Variants in CHCHD3 observed in about 807,000 individuals in gnomAD.
CHCHD3 encodes coiled-coil-helix-coiled-coil-helix domain containing 3.
Under a neutral mutation model 38.2 loss-of-function variants are expected in CHCHD3, and 20 were observed. The observed-to-expected ratio is 0.52, with a 90% confidence interval of 0.37 to 0.76. The LOEUF is 0.76. Ranked by LOEUF, CHCHD3 falls within the 30% of genes least tolerant of loss-of-function variation. The pLI, the probability that CHCHD3 is intolerant of heterozygous loss-of-function variation, is 0.00. For synonymous variants in CHCHD3, 82 were observed against 100.0 expected, an observed-to-expected ratio of 0.82 and a Z score of 1.07; for missense variants, 245 against 279.2, an observed-to-expected ratio of 0.88 and a Z score of 0.87.
chr7:132,897,189 T>C (rs2117194740), intron 4 of CHCHD3, among the ~76,000 whole-genome samples: 1 of 152,330 alleles, frequency 6.6e-6, no homozygotes, highest in Middle Eastern at 3.4e-3. Flanking sequence ...TTACATATAA[T>C]CTTGTTTTAC....
rs549074466 is a variant in CHCHD3, at chr7:133,002,177, A to T, written c.251+22369T>A. Among the ~76,000 whole-genome samples the T allele has an allele frequency of 6.6e-5, 10 of 152,368 alleles. No individual in the cohort carries two copies. In the Middle Eastern group the frequency reaches 0.01, roughly 155 times the overall value. On this transcript the variant is annotated intron_variant, in intron 3 of 7. Transcript: ENST00000262570. ...CTAGTGATCTTCACTTCAAAGAGAG[A>T]AAAGAGTTATCTGTAAGAATAAGCA...
chr7:132,878,184 T>G (rs940638076), intron 5 of CHCHD3, among the ~76,000 whole-genome samples: 7 of 152,204 alleles, frequency 4.6e-5, no homozygotes, highest in Admixed American at 4.6e-4. Flanking sequence ...TATTTTACAA[T>G]GACAGACTTC....
intron 4 of CHCHD3, among the ~76,000 whole-genome samples, chr7:132,895,570 G>T (rs565121454): frequency 6.6e-6 from 1 of 152,220 alleles, no homozygotes; most frequent in African/African-American, 2.4e-5. Flanking sequence ...TGTCATGCAC[G>T]GGACCCACTG....
intron 5 of CHCHD3, among the ~76,000 whole-genome samples, chr7:132,865,509 G>T (rs1808596140): frequency 6.6e-6 from 1 of 152,098 alleles, no homozygotes; most frequent in Non-Finnish European, 1.5e-5. Context: ...AGCAGGAAAG[G>T]GACCATGGAG....
intron 4 of CHCHD3, among the ~76,000 whole-genome samples, chr7:132,937,449 G>T (rs1810658166): frequency 6.6e-6 from 1 of 152,058 alleles, no homozygotes; most frequent in African/African-American, 2.4e-5. Flanking sequence ...AAGCAATTTA[G>T]TCTATGATTC....
chr7:132,963,322 ATTTTTTT>A (rs1005146883), intron 4 of CHCHD3, among the ~76,000 whole-genome samples: 22 of 87,568 alleles, frequency 2.5e-4, no homozygotes, highest in Non-Finnish European at 3.9e-4. Context: ...TAAAATTGTA[ATTTTTTT>A]TTTTTTTTTT....
intron 4 of CHCHD3, among the ~76,000 whole-genome samples, chr7:132,970,022 T>C (rs565373513): frequency 1.5e-4 from 23 of 152,316 alleles, no homozygotes; most frequent in African/African-American, 4.8e-4. Flanking sequence ...AGCAGGCTTT[T>C]TGTGGCAATC....
chr7:132,921,481 A>G (rs1344144448), intron 4 of CHCHD3, among the ~76,000 whole-genome samples: 2 of 152,214 alleles, frequency 1.3e-5, no homozygotes, highest in Non-Finnish European at 2.9e-5. Context: ...AAGTCTCTGC[A>G]TATTAGGCTC....
At chr7:132,791,988 GTT>G (rs1274769098) in intron 7 of CHCHD3, among the ~76,000 whole-genome samples, 1 of 152,144 alleles carries the variant, frequency 6.6e-6, no homozygotes, top group African/African-American at 2.4e-5. Flanking sequence ...TGAACTAACT[GTT>G]TGCGTGGCTA....
At chr7:133,072,364 C>T (rs985855153) in intron 1 of CHCHD3, among the ~76,000 whole-genome samples, 3 of 152,022 alleles carry the variant, frequency 2.0e-5, no homozygotes, top group East Asian at 1.9e-4. Context: ...ATGTGCCAGG[C>T]GCTACACTAA....
At chr7:133,074,773 AGCTTTCATCTG>A (rs1814927847) in intron 1 of CHCHD3, among the ~76,000 whole-genome samples, 1 of 152,222 alleles carries the variant, frequency 6.6e-6, no homozygotes, top group Non-Finnish European at 1.5e-5. Flanking sequence ...GTTAGCTATA[AGCTTTCATCTG>A]AAAAGTTACT....
intron 1 of CHCHD3, among the ~76,000 whole-genome samples, chr7:133,076,003 G>A (rs1429173510): frequency 2.9e-5 from 4 of 138,352 alleles, no homozygotes; most frequent in Non-Finnish European, 6.0e-5. Context: ...AGGTTGCAAT[G>A]AGCCGAGATC....
chr7:132,937,859 T>A (rs1250813507), intron 4 of CHCHD3, among the ~76,000 whole-genome samples: 1 of 152,226 alleles, frequency 6.6e-6, no homozygotes, highest in Admixed American at 6.5e-5. Context: ...TGGCTGGTAT[T>A]TCAGCCTGTG....
chr7:132,859,467 T>C (rs1808426799), intron 5 of CHCHD3, among the ~76,000 whole-genome samples: 1 of 152,196 alleles, frequency 6.6e-6, no homozygotes, highest in Non-Finnish European at 1.5e-5. Flanking sequence ...ACTTTACTGA[T>C]ACAGCAATTA....
chr7:132,929,256 G>T (rs770527589), intron 4 of CHCHD3, among the ~76,000 whole-genome samples: 6 of 151,992 alleles, frequency 3.9e-5, no homozygotes. Flanking sequence ...CATTTCACTG[G>T]CTGTCTCTGG....
chr7:132,919,256 C>A (rs1810199410), intron 4 of CHCHD3, among the ~76,000 whole-genome samples: 1 of 151,808 alleles, frequency 6.6e-6, no homozygotes, highest in Non-Finnish European at 1.5e-5. Flanking sequence ...CTACAGGCGC[C>A]CGCCAGCATG....
In CHCHD3 at chr7:132,984,835, C is replaced by G. The variant is rs1442126973; in HGVS notation, c.252-9549G>C. Among the ~76,000 whole-genome samples the G allele has an allele frequency of 4.0e-5, 5 of 125,804 alleles. 2 individuals carry two copies. The highest frequency in any genetic ancestry group is 8.7e-5 in the Non-Finnish European group (5 of 57,472). 82.5% of individuals were successfully genotyped at this position (125,804 alleles called of 152,430 possible). ...GGAGCGTCTCCGCCCGGCAGCCACC[C>G]GGTCTGGGAGGGAGGTGGGGGTCAG... is the stretch of plus-strand genomic sequence containing the variant. On this transcript the variant is annotated intron_variant, in intron 3 of 7. Transcript: ENST00000262570.
chr7:132,996,837 A>G (rs536861399), intron 3 of CHCHD3, among the ~76,000 whole-genome samples: 2 of 152,332 alleles, frequency 1.3e-5, no homozygotes, highest in African/African-American at 4.8e-5. Flanking sequence ...GTGGGACGCA[A>G]AGCAAGGGGA....
intron 7 of CHCHD3, among the ~76,000 whole-genome samples, chr7:132,790,107 T>C (rs554816743): frequency 1.3e-5 from 2 of 152,258 alleles, no homozygotes; most frequent in Non-Finnish European, 2.9e-5. Flanking sequence ...AATATGTGTC[T>C]ATTCCCCTGC....
Sources: gnomAD v4.1 joint callset for allele counts (sites outside exome capture counted in the v4.1 genomes callset) on GRCh38, gnomAD v4.1.1 for gene constraint, MANE v1.5 for transcripts, NCBI Gene and HGNC (gene_info 2026-07-23, HGNC 2026-07-21) for gene names.